The following ARSB variants were observed in gnomAD, a reference collection of about 807,000 sequenced individuals.
The protein encoded by ARSB is arylsulfatase B, also known as N-acetylgalactosamine-4-sulfatase.
In ARSB, 41 loss-of-function variants were observed where a neutral mutation model predicts 50.9. The ratio of observed to expected loss-of-function variants is 0.81; its 90% CI spans 0.63 to 1.04. The LOEUF is 1.04. Among genes scored for constraint, ARSB ranks in the 50% least tolerant of loss-of-function variants. The pLI is 0.00. For missense variants in ARSB, 672 were observed against 693.3 expected (o/e 0.97, Z 0.35); for synonymous variants, 269 against 284.8 (o/e 0.94, Z 0.56).
chr5:78,942,748 T>C (rs1282915800), intron 4 of ARSB, among the ~76,000 whole-genome samples: 1 of 152,208 alleles, frequency 6.6e-6, no homozygotes, highest in Admixed American at 6.5e-5. Context: ...GAAAAGAATG[T>C]ATATTCTGTT....
intron 2 of ARSB, among the ~76,000 whole-genome samples, chr5:78,965,099 C>T (rs1436839180): frequency 1.3e-5 from 2 of 152,022 alleles, no homozygotes; most frequent in Non-Finnish European, 2.9e-5. Flanking sequence ...ATGCTGACAC[C>T]CACTGGTGAA....
intron 5 of ARSB, among the ~76,000 whole-genome samples, chr5:78,862,572 C>T (rs914769418): frequency 7.2e-5 from 11 of 152,168 alleles, no homozygotes; most frequent in African/African-American, 1.9e-4. Flanking sequence ...AACTGGATCC[C>T]TTCCTTACAC....
At chr5:78,852,308 A>T (rs1302814932) in intron 5 of ARSB, among the ~76,000 whole-genome samples, 1 of 151,896 alleles carries the variant, frequency 6.6e-6, no homozygotes, top group Non-Finnish European at 1.5e-5. Flanking sequence ...TTTCTCCTTC[A>T]CTTATGAAGC....
At position 78,871,308 on chromosome 5, in the gene ARSB, A is replaced by G. The variant is rs565268568; in HGVS notation, c.1142+14276T>C. Among the ~76,000 whole-genome samples the G allele has an allele frequency of 1.2e-4, 18 of 152,322 alleles. No homozygotes were observed. The East Asian group carries it at 1.5e-3, about 13-fold the overall frequency. ...AATGACTTTCTTCACAGAATTGGAA[A>G]AAACTACTTTCAAGTTCATATGGAA... On this transcript the variant is annotated intron_variant, in intron 5 of 7. Coordinates refer to ENST00000264914, the MANE Select transcript of ARSB (RefSeq NM_000046.5).
intron 5 of ARSB, among the ~76,000 whole-genome samples, chr5:78,873,572 T>C (rs2112163526): frequency 7.3e-6 from 1 of 137,454 alleles, no homozygotes; most frequent in Admixed American, 7.9e-5. Context: ...CTCGGCTCAC[T>C]GCAAGCTCCG....
intron 6 of ARSB, among the ~76,000 whole-genome samples, chr5:78,808,562 G>A (rs1046843328): frequency 6.6e-6 from 1 of 152,114 alleles, no homozygotes; most frequent in African/African-American, 2.4e-5. Context: ...GCTGGCACAG[G>A]GTAGCTCAGC....
chr5:78,818,945 C>G (rs1358109154), intron 6 of ARSB, among the ~76,000 whole-genome samples: 1 of 152,182 alleles, frequency 6.6e-6, no homozygotes, highest in Non-Finnish European at 1.5e-5. Context: ...CCCTCTCTGG[C>G]TCCTTAGGGG....
At chr5:78,897,045 G>C (rs906069352) in intron 4 of ARSB, among the ~76,000 whole-genome samples, 4 of 150,338 alleles carry the variant, frequency 2.7e-5, no homozygotes, top group Admixed American at 6.6e-5. Context: ...CCATTCTATA[G>C]TAGAAATACA....
intron 5 of ARSB, among the ~76,000 whole-genome samples, chr5:78,852,230 G>C (rs1745840135): frequency 6.6e-6 from 1 of 151,196 alleles, no homozygotes; most frequent in Non-Finnish European, 1.5e-5. Context: ...AGTGCTTCAG[G>C]AGCTCTTTTA....
chr5:78,980,255 G>A (rs565948939), intron 1 of ARSB, among the ~76,000 whole-genome samples: 1 of 152,230 alleles, frequency 6.6e-6, no homozygotes, highest in Middle Eastern at 3.4e-3. Context: ...TATTGCCAGT[G>A]GGAATGTAAA....
chr5:78,942,247 T>C (rs1750971340), intron 4 of ARSB, among the ~76,000 whole-genome samples: 2 of 152,170 alleles, frequency 1.3e-5, no homozygotes, highest in African/African-American at 4.8e-5. Context: ...CTGGATTCAT[T>C]GATATTTTGA....
In ARSB at chr5:78,922,494, C is replaced by T. The variant is rs574514873; in HGVS notation, c.898+32801G>A. 7.2e-5 allele frequency among the ~76,000 whole-genome samples: 11 copies of T among 152,086 alleles called. No homozygotes were observed. The South Asian group carries it at 2.1e-3, about 29-fold the overall frequency. On this transcript the variant is annotated intron_variant, in intron 4 of 7. Transcript: ENST00000264914. ...GAAGGGAAGAACCCAGTCCTGGCAG[C>T]ATTCATCACCTGCTAACTTAAGAGC... is the stretch of plus-strand genomic sequence containing the variant.
intron 6 of ARSB, among the ~76,000 whole-genome samples, chr5:78,783,953 GC>G (rs147689708): frequency 1.5e-3 from 222 of 152,028 alleles, no homozygotes; most frequent in African/African-American, 5.2e-3. Flanking sequence ...CACCCTATGA[GC>G]CATCACCCAA....
intron 3 of ARSB, 55 bp downstream of exon 3, chr5:78,964,361 G>C: frequency 6.5e-7 from 1 of 1,537,340 alleles, no homozygotes; most frequent in Non-Finnish European, 9.0e-7. Flanking sequence ...ACATTTGTCT[G>C]AAAAGACATT....
At chr5:78,797,183 C>T (rs921216465) in intron 6 of ARSB, among the ~76,000 whole-genome samples, 4 of 152,168 alleles carry the variant, frequency 2.6e-5, no homozygotes, top group African/African-American at 9.6e-5. Flanking sequence ...CGGCAGGTCT[C>T]GATCTCTTGA....
intron 4 of ARSB, among the ~76,000 whole-genome samples, chr5:78,939,098 G>A (rs1051509063): frequency 1.3e-5 from 2 of 152,142 alleles, no homozygotes; most frequent in African/African-American, 4.8e-5. Flanking sequence ...GGATTATGTG[G>A]GTACTCTGGC....
In ARSB at chr5:78,955,555, T is replaced by C. The variant is rs1580122266; in HGVS notation, c.691-53A>G. Reference sequence around the variant, plus strand: ...TAAGAGGATATTGAAGCATTAAATATAGAAGGATAAGACAGTTCAGATTTA... The same window carrying C: ...TAAGAGGATATTGAAGCATTAAATACAGAAGGATAAGACAGTTCAGATTTA... On this transcript the variant is annotated intron_variant, in intron 3 of 7. Transcript: ENST00000264914. 8 of 1,436,278 alleles carry C rather than the reference T, an allele frequency of 5.6e-6. No homozygotes were observed. In the East Asian group the frequency reaches 1.4e-4, roughly 24 times the overall value. 89.0% of individuals were successfully genotyped at this position (1,436,278 alleles called of 1,614,324 possible).
At chr5:78,964,864 T>C (rs1317660409) in intron 2 of ARSB, among the ~76,000 whole-genome samples, 3 of 152,186 alleles carry the variant, frequency 2.0e-5, no homozygotes, top group African/African-American at 7.2e-5. Flanking sequence ...CAGTTTTTTT[T>C]TTTATCAGAG....
At chr5:78,867,754 C>T (rs867493673) in intron 5 of ARSB, among the ~76,000 whole-genome samples, 4 of 151,804 alleles carry the variant, frequency 2.6e-5, no homozygotes, top group African/African-American at 4.8e-5. Context: ...ACGCAGAGCG[C>T]CTCTCCTCCT....
Sources: allele counts gnomAD v4.1 joint callset (sites outside exome capture counted in the v4.1 genomes callset), GRCh38; gene constraint gnomAD v4.1.1; transcripts MANE v1.5; gene names NCBI Gene and HGNC (gene_info 2026-07-23, HGNC 2026-07-21).